FOXP1: variants seen among roughly 807,000 people sequenced by gnomAD.
The protein encoded by FOXP1 is forkhead box P1.
A neutral mutation model predicts 98.2 loss-of-function variants in FOXP1; 15 were observed. The ratio of observed to expected loss-of-function variants is 0.15; its 90% CI spans 0.10 to 0.24. The LOEUF (loss-of-function observed/expected upper bound fraction) is 0.24. Among genes scored for constraint, FOXP1 ranks in the 10% least tolerant of loss-of-function variants. The pLI, the probability that FOXP1 is intolerant of heterozygous loss-of-function variation, is 1.00. For missense variants in FOXP1, 633 were observed against 848.5 expected (o/e 0.75, Z 3.15); for synonymous variants, 371 against 314.5 (o/e 1.18, Z -1.90).
intron 2 of FOXP1, among the ~76,000 whole-genome samples, chr3:71,522,911 G>T (rs1404461243): frequency 6.6e-6 from 1 of 152,154 alleles, no homozygotes. Context: ...ATTCTCAGGA[G>T]CCGCAGTACT....
intron 5 of FOXP1, among the ~76,000 whole-genome samples, chr3:71,229,849 T>A (rs1264147524): frequency 6.6e-6 from 1 of 152,196 alleles, no homozygotes; most frequent in Admixed American, 6.5e-5. Flanking sequence ...TAATCTGCAC[T>A]GACAGAGGAG....
intron 3 of FOXP1, among the ~76,000 whole-genome samples, chr3:71,461,953 C>T (rs770289667): frequency 6.6e-6 from 1 of 152,110 alleles, no homozygotes; most frequent in Non-Finnish European, 1.5e-5. Context: ...TAACCCTCCC[C>T]AGAAGAACTG....
At chr3:71,265,053 G>A (rs541268145) in intron 5 of FOXP1, among the ~76,000 whole-genome samples, 1 of 152,172 alleles carries the variant, frequency 6.6e-6, no homozygotes, top group Non-Finnish European at 1.5e-5. Flanking sequence ...CCAGCTGTAA[G>A]CTTCAGAGCA....
In FOXP1 at chr3:71,072,192, A is replaced by G. The variant is rs2053328230; in HGVS notation, c.283-18419T>C. Among the ~76,000 whole-genome samples, 4 of 152,260 alleles carry G rather than the reference A, an allele frequency of 2.6e-5. 1 individual carries two copies. In the South Asian group the frequency reaches 8.3e-4, roughly 32 times the overall value. ...AAAAAATTAGCCAGGCATGGCATGC[A>G]TCTGTAGTCCTAGCTACTCCAGAGG... is the stretch of plus-strand genomic sequence containing the variant. On this transcript the variant is annotated intron_variant, in intron 7 of 20. Transcript: ENST00000649528.
chr3:71,309,692 T>C lies in FOXP1; in HGVS notation c.-72-9812A>G, dbSNP rs1179302787. On this transcript the variant is annotated intron_variant, in intron 4 of 20. Transcript: ENST00000649528. ...ACACAATGCAGTTAGAATGCAAAAG[T>C]TGATTTTGACACACAAACTAGCATC... is the stretch of plus-strand genomic sequence containing the variant. 2.0e-5 allele frequency among the ~76,000 whole-genome samples: 3 copies of C among 152,218 alleles called. No individual in the cohort carries two copies. In the East Asian group the frequency reaches 5.8e-4, roughly 29 times the overall value.
At chr3:71,011,785 G>A (rs760410204) in intron 12 of FOXP1, among the ~76,000 whole-genome samples, 2 of 152,080 alleles carry the variant, frequency 1.3e-5, no homozygotes, top group African/African-American at 2.4e-5. Context: ...AGAACATGTC[G>A]TGTCATGTGC....
intron 7 of FOXP1, among the ~76,000 whole-genome samples, chr3:71,086,043 A>G (rs1032690667): frequency 2.0e-5 from 3 of 152,062 alleles, no homozygotes; most frequent in Non-Finnish European, 4.4e-5. Flanking sequence ...TTTTATAGAC[A>G]AAGAAACAAA....
At chr3:71,556,438 G>T (rs991969247) in intron 2 of FOXP1, among the ~76,000 whole-genome samples, 1 of 151,966 alleles carries the variant, frequency 6.6e-6, no homozygotes, top group African/African-American at 2.4e-5. Flanking sequence ...TTAGCCGGGC[G>T]TGGTGGCAGG....
intron 7 of FOXP1, among the ~76,000 whole-genome samples, chr3:71,093,806 A>G (rs1197899564): frequency 6.6e-6 from 1 of 151,972 alleles, no homozygotes; most frequent in Admixed American, 6.5e-5. Context: ...AACCAAATGA[A>G]TCCTATGATT....
intron 4 of FOXP1, chr3:71,302,880 T>C (rs1255670109): frequency 6.6e-6 from 1 of 152,146 alleles, no homozygotes; most frequent in Non-Finnish European, 1.5e-5. Context: ...TAAATGTACA[T>C]TCCTCTTTCT....
chr3:71,083,036 G>C (rs1033740154), intron 7 of FOXP1, among the ~76,000 whole-genome samples: 4 of 152,124 alleles, frequency 2.6e-5, no homozygotes, highest in Non-Finnish European at 5.9e-5. Flanking sequence ...CATCATCCGG[G>C]GGATGCAGGG....
chr3:71,317,724 C>T (rs927432505), intron 4 of FOXP1, among the ~76,000 whole-genome samples: 1 of 151,790 alleles, frequency 6.6e-6, no homozygotes, highest in African/African-American at 2.4e-5. Flanking sequence ...TATTTTGGTA[C>T]CTGTCCCCCC....
intron 5 of FOXP1, among the ~76,000 whole-genome samples, chr3:71,199,848 C>A (rs989749016): frequency 1.3e-5 from 2 of 151,356 alleles, no homozygotes; most frequent in Non-Finnish European, 2.9e-5. Flanking sequence ...GAGGCCGAGG[C>A]GGGTGGATCA....
At chr3:71,047,213 G>T (rs771191274) in intron 9 of FOXP1, 118 bp from the exon 10 acceptor site, 7 of 1,163,622 alleles carry the variant, frequency 6.0e-6, no homozygotes, top group Non-Finnish European at 7.7e-6. Flanking sequence ...GGAGCTCAGT[G>T]GAGGGCTCCG....
chr3:71,216,314 C>A (rs1258473519), intron 5 of FOXP1, among the ~76,000 whole-genome samples: 5 of 152,234 alleles, frequency 3.3e-5, no homozygotes, highest in Admixed American at 2.6e-4. Context: ...GAATAAGTCT[C>A]CATGTATTTA....
chr3:71,383,884 T>C (rs1328368547), intron 3 of FOXP1, among the ~76,000 whole-genome samples: 1 of 152,092 alleles, frequency 6.6e-6, no homozygotes, highest in Non-Finnish European at 1.5e-5. Context: ...GAGGTCATGA[T>C]GTATAGAGAA....
chr3:71,277,104 G>A (rs1020054240), intron 5 of FOXP1, among the ~76,000 whole-genome samples: 3 of 151,402 alleles, frequency 2.0e-5, no homozygotes, highest in Non-Finnish European at 2.9e-5. Flanking sequence ...GAATACAGGC[G>A]CCCGCCACCA....
At chr3:71,505,506 C>T (rs1367803633) in intron 2 of FOXP1, among the ~76,000 whole-genome samples, 1 of 150,984 alleles carries the variant, frequency 6.6e-6, no homozygotes, top group African/African-American at 2.4e-5. Flanking sequence ...CTGCAATCTC[C>T]GCCTCCCCTC....
At chr3:71,420,074 G>A (rs1359924778) in intron 3 of FOXP1, among the ~76,000 whole-genome samples, 1 of 152,024 alleles carries the variant, frequency 6.6e-6, no homozygotes, top group Non-Finnish European at 1.5e-5. Flanking sequence ...CTCCCAAAGT[G>A]TTGGGAGCCA....
Sources: gnomAD v4.1 joint callset for allele counts (sites outside exome capture counted in the v4.1 genomes callset) on GRCh38, gnomAD v4.1.1 for gene constraint, MANE v1.5 for transcripts, NCBI Gene and HGNC (gene_info 2026-07-23, HGNC 2026-07-21) for gene names.